ZNF76: variants seen among roughly 807,000 people sequenced by gnomAD.
The protein encoded by ZNF76 is zinc finger protein 523.
In ZNF76, 66 loss-of-function variants were observed where a neutral mutation model predicts 66.9. The observed-to-expected ratio is 0.99, with a 90% CI of 0.81 to 1.21. ZNF76 has a LOEUF of 1.21. ZNF76 is among the 50% of genes most tolerant of loss of function. The probability of loss-of-function intolerance (pLI) is 0.00; values close to 1 mark genes in which losing one functional copy is unlikely to be tolerated. For missense variants in ZNF76, 729 were observed against 760.3 expected (o/e 0.96, Z 0.48); for synonymous variants, 275 against 296.1 (o/e 0.93, Z 0.73).
intron 1 of ZNF76, among the ~76,000 whole-genome samples, chr6:35,280,525 C>CT (rs1023269567): frequency 7.4e-6 from 1 of 134,694 alleles, no homozygotes; most frequent in African/African-American, 2.8e-5. Flanking sequence ...ATCCCCCCCC[C>CT]CCCCGCCCTG....
chr6:35,273,196 C>G (rs932217612), intron 1 of ZNF76, among the ~76,000 whole-genome samples: 2 of 151,190 alleles, frequency 1.3e-5, no homozygotes, highest in Non-Finnish European at 3.0e-5. Context: ...AAAAACGAGT[C>G]TCACTCTGTT....
chr6:35,272,507 G>GTA (rs1562096005), intron 1 of ZNF76, among the ~76,000 whole-genome samples: 22 of 97,952 alleles, frequency 2.2e-4, no homozygotes, highest in African/African-American at 5.7e-4. Flanking sequence ...GTGTGTGTGT[G>GTA]TGTGTATGTA....
At chr6:35,269,681 C>T (rs1178980822) in intron 1 of ZNF76, among the ~76,000 whole-genome samples, 1 of 152,128 alleles carries the variant, frequency 6.6e-6, no homozygotes, top group Admixed American at 6.6e-5. Flanking sequence ...GGCAGGGGTG[C>T]CTAAGACCAG....
At chr6:35,284,031 C>T (rs1407086802) in intron 2 of ZNF76, among the ~76,000 whole-genome samples, 1 of 152,128 alleles carries the variant, frequency 6.6e-6, no homozygotes, top group Non-Finnish European at 1.5e-5. Context: ...CGCTCAGTTT[C>T]CTAAACCTCA....
At chr6:35,262,199 C>T (rs1785354957) in intron 1 of ZNF76, among the ~76,000 whole-genome samples, 1 of 152,120 alleles carries the variant, frequency 6.6e-6, no homozygotes, top group Non-Finnish European at 1.5e-5. Context: ...CTCTGTGTCC[C>T]TGTGTCTTCA....
In ZNF76 at chr6:35,291,736, A is replaced by G. The variant is rs757866147; in HGVS notation, c.930A>G (p.Thr310=). 2 of 1,606,474 alleles carry G rather than the reference A, an allele frequency of 1.2e-6. No homozygotes were observed. Among genetic ancestry groups the G allele is most frequent in the Non-Finnish European group, 1.7e-6 (2 of 1,179,956 alleles). Reference sequence around the variant, plus strand: ...ATAAGAATCACGTGCGCATCCACACAGGTGGGCTAGCTGGCATGCGAGGAC... The same window carrying G: ...ATAAGAATCACGTGCGCATCCACACGGGTGGGCTAGCTGGCATGCGAGGAC... The part of the protein sequence containing the change: ...TNYKNHVRIH[T]GEKPYVCTVP... Residue 310 remains threonine, a splice_region_variant and synonymous_variant, in exon 9 of 14, where the codon ACA becomes ACG. Transcript: ENST00000373953.
upstream of ZNF76, chr6:35,259,634 G>GC (rs1394521827): frequency 6.6e-6 from 1 of 152,398 alleles, no homozygotes; most frequent in East Asian, 1.9e-4. Context: ...GGTGGACCGT[G>GC]CCCGGTATTT....
intron 1 of ZNF76, among the ~76,000 whole-genome samples, chr6:35,270,875 A>G (rs956704827): frequency 3.3e-5 from 5 of 152,146 alleles, no homozygotes; most frequent in African/African-American, 9.7e-5. Context: ...TTTTAATGCC[A>G]ATGACATTAC....
At chr6:35,278,198 C>T (rs1384504177) in intron 1 of ZNF76, among the ~76,000 whole-genome samples, 3 of 151,262 alleles carry the variant, frequency 2.0e-5, no homozygotes, top group Admixed American at 6.6e-5. Context: ...GACGGAGTTT[C>T]GCTGTTGTTG....
intron 1 of ZNF76, among the ~76,000 whole-genome samples, chr6:35,265,492 G>T (rs1785873100): frequency 6.7e-6 from 1 of 148,204 alleles, no homozygotes; most frequent in Non-Finnish European, 1.5e-5. Flanking sequence ...GGGCGACAGA[G>T]CGAGACTCTG....
intron 2 of ZNF76, among the ~76,000 whole-genome samples, chr6:35,285,344 T>A (rs774883809): frequency 7.9e-5 from 12 of 152,236 alleles, no homozygotes; most frequent in Non-Finnish European, 1.5e-4. Context: ...TGTGCTCACA[T>A]AGTTCTCTAT....
At chr6:35,291,184 C>T (rs1790319555) in intron 7 of ZNF76, 94 bp from the exon 8 acceptor site, 1 of 1,502,780 alleles carries the variant, frequency 6.7e-7, no homozygotes, top group South Asian at 1.3e-5. Context: ...CTTCTTGAGC[C>T]AAAGGAGGTG....
chr6:35,286,063 C>A, intron 2 of ZNF76, 65 bp from the exon 3 acceptor site: 2 of 1,480,966 alleles, frequency 1.4e-6, no homozygotes, highest in Non-Finnish European at 9.4e-7. Flanking sequence ...CAGCTAAAAA[C>A]AGGCAGGCGT....
chr6:35,291,837 C>G, intron 9 of ZNF76, 100 bp downstream of exon 9: 1 of 1,411,888 alleles, frequency 7.1e-7, no homozygotes, highest in Non-Finnish European at 9.7e-7. Context: ...AGCCCAGAAC[C>G]CTTCTGTGCC....
At chr6:35,266,832 C>T (rs1339834508) in intron 1 of ZNF76, among the ~76,000 whole-genome samples, 5 of 117,108 alleles carry the variant, frequency 4.3e-5, no homozygotes, top group Non-Finnish European at 8.1e-5. Flanking sequence ...GACGGAGTCT[C>T]GCTCGTCACC....
intron 12 of ZNF76, 88 bp downstream of exon 12, chr6:35,294,003 T>A: frequency 6.8e-7 from 1 of 1,465,376 alleles, no homozygotes; most frequent in Non-Finnish European, 9.2e-7. Flanking sequence ...ACTAGTCAAG[T>A]CTTCTTACCA....
intron 1 of ZNF76, among the ~76,000 whole-genome samples, chr6:35,278,778 G>C (rs1788310529): frequency 6.6e-6 from 1 of 152,238 alleles, no homozygotes; most frequent in Admixed American, 6.5e-5. Flanking sequence ...ACCACAGTGG[G>C]TACAGAAGAT....
chr6:35,264,095 A>G (rs1785638811), intron 1 of ZNF76, among the ~76,000 whole-genome samples: 1 of 152,200 alleles, frequency 6.6e-6, no homozygotes, highest in Non-Finnish European at 1.5e-5. Flanking sequence ...CACATTTAGC[A>G]GGTAGTCAGT....
chr6:35,276,771 TTTTA>T (rs1787946873), intron 1 of ZNF76, among the ~76,000 whole-genome samples: 1 of 145,542 alleles, frequency 6.9e-6, no homozygotes, highest in African/African-American at 2.5e-5. Flanking sequence ...TTGTTTTTAT[TTTTA>T]TTTATTTATT....
Sources: allele counts gnomAD v4.1 joint callset (sites outside exome capture counted in the v4.1 genomes callset), GRCh38; gene constraint gnomAD v4.1.1; transcripts MANE v1.5; gene names NCBI Gene and HGNC (gene_info 2026-07-23, HGNC 2026-07-21).